The following PTPRR variants were observed in gnomAD, a reference collection of about 807,000 sequenced individuals.
The protein encoded by PTPRR is receptor-type tyrosine-protein phosphatase R.
In PTPRR, 38 loss-of-function variants were observed where a neutral mutation model predicts 77.2. The ratio of observed to expected loss-of-function variants is 0.49; its 90% CI spans 0.38 to 0.65. PTPRR has a LOEUF of 0.65. PTPRR is among the 30% of genes least tolerant of loss of function. The pLI, the probability that PTPRR is intolerant of heterozygous loss-of-function variation, is 0.00. For synonymous variants in PTPRR, 299 were observed against 283.1 expected (o/e 1.06, Z -0.57); for missense variants, 744 against 799.2 (o/e 0.93, Z 0.83).
chr12:70,764,656 G>A lies in PTPRR; in HGVS notation c.471+9C>T. ...TGAATTTTGGAAATGCGAAATGTGG[G>A]TATCTTACAATGAGGCGATTGATGT... On this transcript the variant is annotated intron_variant, in intron 3 of 13. Transcript: ENST00000283228. The A allele has an allele frequency of 6.3e-7, 1 of 1,598,138 alleles. No homozygotes were observed.
chr12:70,662,361 T>G (rs1486971325), intron 11 of PTPRR, 134 bp downstream of exon 11: 2 of 525,628 alleles, frequency 3.8e-6, no homozygotes, highest in Non-Finnish European at 6.6e-6. Context: ...GAGGGAATGA[T>G]TATAGTTTCT....
intron 1 of PTPRR, among the ~76,000 whole-genome samples, chr12:70,908,631 T>C (rs140753914): frequency 1.2e-3 from 176 of 152,250 alleles, no homozygotes; most frequent in Non-Finnish European, 1.7e-3. Flanking sequence ...AGAACTACAA[T>C]TCAAGATGAG....
intron 2 of PTPRR, among the ~76,000 whole-genome samples, chr12:70,845,306 A>T (rs10879203): frequency 6.6e-6 from 1 of 151,768 alleles, no homozygotes; most frequent in African/African-American, 2.4e-5. Flanking sequence ...TTAGGAAGGA[A>T]TTATCTTGAT....
At chr12:70,860,719 C>A (rs970203297) in intron 2 of PTPRR, among the ~76,000 whole-genome samples, 14 of 152,038 alleles carry the variant, frequency 9.2e-5, no homozygotes, top group African/African-American at 2.9e-4. Context: ...AAAACATATA[C>A]AACATAGACT....
At chr12:70,752,765 A>G (rs1400081135) in intron 5 of PTPRR, among the ~76,000 whole-genome samples, 2 of 152,158 alleles carry the variant, frequency 1.3e-5, no homozygotes. Context: ...AAAATACCCT[A>G]ATTGTGACTG....
intron 2 of PTPRR, among the ~76,000 whole-genome samples, chr12:70,884,818 G>T (rs1457445189): frequency 2.2e-5 from 3 of 137,644 alleles, no homozygotes; most frequent in African/African-American, 8.4e-5. Flanking sequence ...CTTGCAGTGA[G>T]CCGAGATCGT....
At chr12:70,746,159 A>T in intron 5 of PTPRR, 73 bp from the exon 6 acceptor site, 1 of 1,384,416 alleles carries the variant, frequency 7.2e-7, no homozygotes, top group South Asian at 1.4e-5. Flanking sequence ...CCTCCACCCC[A>T]CCCTGGCCGA....
At chr12:70,878,185 C>T (rs2137100344) in intron 2 of PTPRR, among the ~76,000 whole-genome samples, 1 of 152,282 alleles carries the variant, frequency 6.6e-6, no homozygotes, top group East Asian at 1.9e-4. Context: ...ACGACATAGG[C>T]ATGAGCAAGG....
intron 13 of PTPRR, among the ~76,000 whole-genome samples, chr12:70,648,678 C>T (rs1179201710): frequency 6.6e-6 from 1 of 152,160 alleles, no homozygotes; most frequent in Non-Finnish European, 1.5e-5. Context: ...ACGCACCAAG[C>T]TCCTTGACAT....
At chr12:70,790,238 T>A (rs371092426) in intron 2 of PTPRR, among the ~76,000 whole-genome samples, 1 of 152,176 alleles carries the variant, frequency 6.6e-6, no homozygotes, top group African/African-American at 2.4e-5. Flanking sequence ...ATTTATTGTT[T>A]CTAATAACGC....
At chr12:70,756,822 G>T (rs1890574597) in intron 4 of PTPRR, among the ~76,000 whole-genome samples, 2 of 152,118 alleles carry the variant, frequency 1.3e-5, no homozygotes, top group African/African-American at 4.8e-5. Flanking sequence ...TGCAGAAGGA[G>T]ATCCCAAATG....
At chr12:70,684,403 C>A (rs1887785266) in intron 9 of PTPRR, 139 bp from the exon 10 acceptor site, 8 of 901,578 alleles carry the variant, frequency 8.9e-6, no homozygotes, top group South Asian at 1.8e-5. Context: ...TCTAGTACAA[C>A]AATTTCCATG....
Position 70,698,340 on chromosome 12 carries a change from T to G in PTPRR, c.1204A>C (p.Met402Leu). 6.2e-7 allele frequency: 1 copy of G among 1,612,688 alleles called. No homozygotes were observed. Among genetic ancestry groups the G allele is most frequent in the Non-Finnish European group, 8.5e-7 (1 of 1,179,094 alleles). ...LLQSEFMEIP[M>L]NFVDPKEIDI... is the part of the protein sequence containing the mutation. ...ATTTCTTTGGGATCCACAAAGTTCATTGGTATTTCCTGCAAAAATAAATAA... is the reference window on the plus strand; with the variant it reads ...ATTTCTTTGGGATCCACAAAGTTCAGTGGTATTTCCTGCAAAAATAAATAA... Residue 402 changes from methionine (M) to leucine (L), a missense_variant, in exon 8 of 14, where the codon ATG (methionine) becomes CTG (leucine). By Grantham distance (15) the Met-to-Leu change is conservative. This residue lies in a region of PTPRR where 570 missense variants were observed against 573.2 expected (regional missense o/e 0.99). Transcript: ENST00000283228.
chr12:70,679,994 T>G (rs754452644), intron 10 of PTPRR, among the ~76,000 whole-genome samples: 2 of 152,210 alleles, frequency 1.3e-5, no homozygotes, highest in Non-Finnish European at 2.9e-5. Flanking sequence ...CTTTGTGACT[T>G]GGTGGTTTTC....
At chr12:70,740,728 T>C (rs1012741122) in intron 6 of PTPRR, among the ~76,000 whole-genome samples, 5 of 152,172 alleles carry the variant, frequency 3.3e-5, no homozygotes, top group Non-Finnish European at 5.9e-5. Flanking sequence ...TTATATGACA[T>C]GATCCAAAAG....
At chr12:70,843,690 G>A (rs1323451643) in intron 2 of PTPRR, among the ~76,000 whole-genome samples, 1 of 151,808 alleles carries the variant, frequency 6.6e-6, no homozygotes, top group Non-Finnish European at 1.5e-5. Context: ...TGTAATTGAT[G>A]TAATTTAAGA....
chr12:70,906,607 C>T (rs1893626194), intron 1 of PTPRR, among the ~76,000 whole-genome samples: 1 of 151,970 alleles, frequency 6.6e-6, no homozygotes, highest in Non-Finnish European at 1.5e-5. Flanking sequence ...TTAGGATAAC[C>T]TCCCAAAATA....
chr12:70,646,230 G>A (rs560442985), intron 13 of PTPRR, among the ~76,000 whole-genome samples: 1 of 152,126 alleles, frequency 6.6e-6, no homozygotes, highest in Non-Finnish European at 1.5e-5. Flanking sequence ...GTGCTTAGCC[G>A]GGGTCAGCTG....
At chr12:70,774,088 A>C (rs1202188802) in intron 2 of PTPRR, among the ~76,000 whole-genome samples, 1 of 152,236 alleles carries the variant, frequency 6.6e-6, no homozygotes, top group African/African-American at 2.4e-5. Context: ...AGAAGCTGCC[A>C]TTAAAGATGA....
Sources: allele counts gnomAD v4.1 joint callset (sites outside exome capture counted in the v4.1 genomes callset), GRCh38; gene constraint gnomAD v4.1.1; regional missense constraint gnomAD v4.1.1; transcripts MANE v1.5; gene names NCBI Gene and HGNC (gene_info 2026-07-23, HGNC 2026-07-21).